ADGRL3: variants seen among roughly 807,000 people sequenced by gnomAD.
ADGRL3 encodes adhesion G protein-coupled receptor L3.
Under a neutral mutation model 153.5 loss-of-function variants are expected in ADGRL3, and 62 were observed. The ratio of observed to expected loss-of-function variants is 0.40; its 90% CI spans 0.33 to 0.50. The LOEUF (loss-of-function observed/expected upper bound fraction) is 0.50, where lower values mean the gene tolerates loss of function less well. Among genes scored for constraint, ADGRL3 ranks in the 20% least tolerant of loss-of-function variants. The probability of loss-of-function intolerance (pLI) is 0.47; values close to 1 mark genes in which losing one functional copy is unlikely to be tolerated. For synonymous variants in ADGRL3, 710 were observed against 672.5 expected, an observed-to-expected ratio of 1.06 and a Z score of -0.86; for missense variants, 1,641 against 1,859.4, an observed-to-expected ratio of 0.88 and a Z score of 2.16.
At chr4:61,472,627 T>G (rs1311973237) in intron 2 of ADGRL3, among the ~76,000 whole-genome samples, 1 of 152,004 alleles carries the variant, frequency 6.6e-6, no homozygotes, top group Non-Finnish European at 1.5e-5. Flanking sequence ...TTCTGCTCAG[T>G]CTGAAGAGGA....
chr4:61,761,691 A>G (rs1055991393), intron 8 of ADGRL3, among the ~76,000 whole-genome samples: 1 of 152,202 alleles, frequency 6.6e-6, no homozygotes, highest in Non-Finnish European at 1.5e-5. Flanking sequence ...CCACATTGAA[A>G]GACTGAGATA....
intron 2 of ADGRL3, among the ~76,000 whole-genome samples, chr4:61,386,242 A>C (rs1424355062): frequency 6.6e-6 from 1 of 152,090 alleles, no homozygotes; most frequent in African/African-American, 2.4e-5. Context: ...GGCAGCTGAT[A>C]TTTCCCCTAA....
intron 1 of ADGRL3, among the ~76,000 whole-genome samples, chr4:61,343,561 T>TATAATCTAGGCTA (rs2095847010): frequency 2.6e-5 from 4 of 152,312 alleles, no homozygotes; most frequent in Admixed American, 2.0e-4. Flanking sequence ...AGTCACTTCT[T>TATAATCTAGGCTA]TAATCTAGGC....
intron 11 of ADGRL3, among the ~76,000 whole-genome samples, chr4:61,898,539 G>A (rs1419060401): frequency 6.6e-6 from 1 of 151,986 alleles, no homozygotes; most frequent in Non-Finnish European, 1.5e-5. Context: ...TCTGATTTAT[G>A]TAAGGCCCAA....
Position 61,278,085 on chromosome 4 carries a change from T to C in ADGRL3, c.-240+76320T>C, listed in dbSNP as rs1362332057. Among the ~76,000 whole-genome samples the C allele has an allele frequency of 2.6e-5, 4 of 152,270 alleles. No homozygotes were observed. In the East Asian group the frequency reaches 7.8e-4, roughly 30 times the overall value. On this transcript the variant is annotated intron_variant, in intron 1 of 26. Coordinates refer to ENST00000683033, the MANE Select transcript of ADGRL3 (RefSeq NM_001387552.1). The stretch of plus-strand genomic sequence containing the variant: ...GATTAAAGTAAAATTGGGTAATGTT[T>C]CCCCTGGATCTTGATACTTAAAATT...
At chr4:61,661,009 G>A (rs2094577533) in intron 5 of ADGRL3, among the ~76,000 whole-genome samples, 1 of 151,888 alleles carries the variant, frequency 6.6e-6, no homozygotes, top group African/African-American at 2.4e-5. Flanking sequence ...TATTGAATAT[G>A]TATATTCAAC....
chr4:61,695,054 C>T (rs1240612548), intron 6 of ADGRL3, among the ~76,000 whole-genome samples: 1 of 152,052 alleles, frequency 6.6e-6, no homozygotes, highest in East Asian at 1.9e-4. Context: ...CAGTTATTTC[C>T]CCCACTGAAA....
Position 61,228,272 on chromosome 4 carries a change from G to T in ADGRL3, c.-240+26507G>T, listed in dbSNP as rs977786342. On this transcript the variant is annotated intron_variant, in intron 1 of 26. Transcript: ENST00000683033. The stretch of plus-strand genomic sequence containing the variant: ...TCTTCTTATTCTGAAGTACATTTTT[G>T]AATGTTACCATTTGAGAAAAGGAAT... 2.0e-5 allele frequency among the ~76,000 whole-genome samples: 3 copies of T among 152,214 alleles called. No homozygotes were observed. The East Asian group carries it at 5.8e-4, about 29-fold the overall frequency.
At chr4:61,252,565 A>T (rs1759689135) in intron 1 of ADGRL3, among the ~76,000 whole-genome samples, 1 of 152,210 alleles carries the variant, frequency 6.6e-6, no homozygotes, top group South Asian at 2.1e-4. Flanking sequence ...TTAACTTTAT[A>T]AATTGATTCC....
At chr4:61,499,659 A>G (rs2098361802) in intron 3 of ADGRL3, among the ~76,000 whole-genome samples, 1 of 152,174 alleles carries the variant, frequency 6.6e-6, no homozygotes, top group Non-Finnish European at 1.5e-5. Flanking sequence ...GTTCCAGTAA[A>G]TTATAACAAC....
At chr4:61,996,783 T>C (rs561858002) in intron 20 of ADGRL3, among the ~76,000 whole-genome samples, 38 of 152,284 alleles carry the variant, frequency 2.5e-4, no homozygotes, top group Middle Eastern at 3.4e-3. Context: ...TATATGAATC[T>C]TGAAAACTTT....
intron 5 of ADGRL3, among the ~76,000 whole-genome samples, chr4:61,609,875 G>T (rs1028954019): frequency 6.6e-6 from 1 of 151,826 alleles, no homozygotes; most frequent in Non-Finnish European, 1.5e-5. Context: ...GATTATTTTA[G>T]CTACCTTTAA....
chr4:61,607,616 A>C (rs2099037602), intron 5 of ADGRL3, among the ~76,000 whole-genome samples: 1 of 151,696 alleles, frequency 6.6e-6, no homozygotes. Flanking sequence ...CAAACAAACA[A>C]AATCTTAAGT....
chr4:61,486,954 G>A (rs779270647), intron 2 of ADGRL3, among the ~76,000 whole-genome samples: 3 of 152,142 alleles, frequency 2.0e-5, no homozygotes, highest in Non-Finnish European at 2.9e-5. Flanking sequence ...TATAATGCCA[G>A]ATAAAAATTA....
chr4:61,895,466 AAATAATAATAATAATAAT>A (rs10603633), intron 10 of ADGRL3, among the ~76,000 whole-genome samples: 13 of 148,210 alleles, frequency 8.8e-5, no homozygotes, highest in African/African-American at 3.2e-4. Flanking sequence ...ACTCCATCTC[AAATAATAATAATAATAAT>A]AATAATAATA....
At chr4:61,752,453 G>C (rs2096768846) in intron 8 of ADGRL3, among the ~76,000 whole-genome samples, 1 of 152,138 alleles carries the variant, frequency 6.6e-6, no homozygotes, top group African/African-American at 2.4e-5. Flanking sequence ...AAAAGCAGTA[G>C]ACTGGAGAAA....
intron 8 of ADGRL3, among the ~76,000 whole-genome samples, chr4:61,759,906 G>C (rs140615781): frequency 6.6e-6 from 1 of 152,194 alleles, no homozygotes; most frequent in South Asian, 2.1e-4. Flanking sequence ...ACCCTCAGCT[G>C]CAGGTCTGTT....
At chr4:61,948,031 G>C in intron 16 of ADGRL3, 69 bp from the exon 17 acceptor site, 1 of 1,336,138 alleles carries the variant, frequency 7.5e-7, no homozygotes, top group Non-Finnish European at 1.0e-6. Flanking sequence ...TATATGTAAA[G>C]AAAATGCCAA....
intron 9 of ADGRL3, among the ~76,000 whole-genome samples, chr4:61,871,048 G>A (rs1306078832): frequency 6.6e-6 from 1 of 152,182 alleles, no homozygotes; most frequent in African/African-American, 2.4e-5. Context: ...GGAGGCCAAG[G>A]CGGGCGAATC....
Sources: allele counts gnomAD v4.1 joint callset (sites outside exome capture counted in the v4.1 genomes callset), GRCh38; gene constraint gnomAD v4.1.1; transcripts MANE v1.5; gene names NCBI Gene and HGNC (gene_info 2026-07-23, HGNC 2026-07-21).